Variants in NCCRP1 observed in about 807,000 individuals in gnomAD.
NCCRP1 encodes NCCRP1, F-box associated domain containing, also known as F-box only protein 50.
In NCCRP1, 32 loss-of-function variants were observed where a neutral mutation model predicts 34.4. The ratio of observed to expected loss-of-function variants is 0.93; its 90% confidence interval spans 0.70 to 1.25. NCCRP1 has a LOEUF of 1.25. NCCRP1 is among the 50% of genes most tolerant of loss of function. The pLI, the probability that NCCRP1 is intolerant of heterozygous loss-of-function variation, is 0.00. For missense variants in NCCRP1, 372 were observed against 391.8 expected, an observed-to-expected ratio of 0.95 and a Z score of 0.43; for synonymous variants, 172 against 180.1, an observed-to-expected ratio of 0.95 and a Z score of 0.36.
chr19:39,198,521 G>A (rs563935460), intron 3 of NCCRP1, among the ~76,000 whole-genome samples: 96 of 152,236 alleles, frequency 6.3e-4, no homozygotes, highest in African/African-American at 2.2e-3. Context: ...GTGCAGTGAC[G>A]CAATCTCAGC....
At position 39,200,672 on chromosome 19, in the gene NCCRP1, CA is replaced by C. The variant is rs1388032035; in HGVS notation, c.746del (p.Lys249ArgfsTer16). 8.7e-6 allele frequency: 14 copies of C among 1,614,152 alleles called. No individual in the cohort carries two copies. Among genetic ancestry groups the C allele is most frequent in the Non-Finnish European group, 8.5e-6 (10 of 1,180,034 alleles). ...PGVRFIHFLH[K>X]AKNRMEPGGL... ...GTGTGCGCTTTATCCACTTCCTGCA[CA>C]AGGCCAAGAACCGCATGGAGCCTGG... On this transcript the variant is annotated frameshift_variant, in exon 6 of 6. Transcript: ENST00000339852. LOFTEE classifies it high-confidence loss of function. The surrounding 1 kb of genome is among the most constrained non-coding windows in gnomAD (Gnocchi z 5.8).
rs763818297 is a variant in NCCRP1 at position 39,198,075 on chromosome 19, A to C, written c.360A>C (p.Ala120=). Residue 120 remains alanine, a synonymous_variant, in exon 2 of 6, where the codon GCA becomes GCC. Transcript: ENST00000339852. ...NPEGINIYEP[A]PPTGPTQRPL... ...CAGGCATCAACATTTATGAGCCAGC[A>C]CCCCCTACTGGTCCCACCCAGCGAC... 6.2e-7 allele frequency: 1 copy of C among 1,613,732 alleles called. No homozygotes were observed.
In NCCRP1 at chr19:39,198,270, A is replaced by T; in HGVS notation, c.452+17A>T. ...GAACCAAAGGTGAGTCGCCAGGGCC[A>T]GTGTGGCTTACACTCCATTCCCTGC... On this transcript the variant is annotated intron_variant, in intron 3 of 5. Coordinates refer to ENST00000339852, the MANE Select transcript of NCCRP1 (RefSeq NM_001001414.2). 1 of 1,613,870 alleles carries T rather than the reference A, an allele frequency of 6.2e-7. No individual in the cohort carries two copies. Among genetic ancestry groups the T allele is most frequent in the Non-Finnish European group, 8.5e-7 (1 of 1,179,758 alleles).
chr19:39,198,030 C>T (rs772428864), intron 1 of NCCRP1, 23 bp from the exon 2 acceptor site: 5 of 1,612,128 alleles, frequency 3.1e-6, no homozygotes, highest in Non-Finnish European at 1.7e-6. Flanking sequence ...TGCCCAGAGG[C>T]TCCACTCACC....
At position 39,197,266 on chromosome 19, in the gene NCCRP1, T is replaced by TC. The variant is rs764867777; in HGVS notation, c.286dup (p.Leu96ProfsTer23). ...CCCCAGCGCCTCACCTGGAAGCTGC[T>TC]CCTGTTGCGGCGGCCGCTCTACCGC... is the stretch of plus-strand genomic sequence containing the variant. On this transcript the variant is annotated frameshift_variant, in exon 1 of 6. Coordinates refer to ENST00000339852, the MANE Select transcript of NCCRP1 (RefSeq NM_001001414.2). LOFTEE classifies it high-confidence loss of function. The TC allele has an allele frequency of 1.3e-6, 2 of 1,498,314 alleles. No individual in the cohort carries two copies. Among genetic ancestry groups the TC allele is most frequent in the Middle Eastern group, 1.9e-4 (1 of 5,380 alleles). The allele number at this position is 1,498,314 out of a possible 1,614,324, so 92.8% of individuals were successfully genotyped here.
intron 4 of NCCRP1, among the ~76,000 whole-genome samples, chr19:39,199,505 CTTTCTTTTT>C (rs1568542350): frequency 1.4e-5 from 1 of 74,040 alleles, no homozygotes; most frequent in African/African-American, 4.5e-5. Context: ...TTTCTTTTTT[CTTTCTTTTT>C]TTTTTTTTTT....
chr19:39,201,434 T>G lies in NCCRP1; in HGVS notation c.*678T>G, dbSNP rs1479883198. 3 of 151,752 alleles carry G rather than the reference T, an allele frequency of 2.0e-5. No individual in the cohort carries two copies. 9.4% of individuals were successfully genotyped at this position (151,752 alleles called of 1,614,324 possible). On this transcript the variant is annotated 3_prime_UTR_variant, in exon 6 of 6. Coordinates refer to ENST00000339852, the MANE Select transcript of NCCRP1 (RefSeq NM_001001414.2). The stretch of plus-strand genomic sequence containing the variant: ...CAAGTGGTTCTCCTGCCTCAGCCTC[T>G]CAAGTAGCTGGGATTACAGGTGCAC...
rs1305534367 is a variant in NCCRP1, at chr19:39,200,190, G to A, written c.549-156G>A. On this transcript the variant is annotated intron_variant, in intron 4 of 5. Transcript: ENST00000339852. This position sits in a 1 kb window ranked among gnomAD's most constrained non-coding sequence, Gnocchi z 5.8. ...TGAATCCCATGTGGCAGGGTGTGGG[G>A]CTGTCTTGGTCACTGCTATGTTGCC... is the stretch of plus-strand genomic sequence containing the variant. Among the ~76,000 whole-genome samples, 2 of 152,192 alleles carry A rather than the reference G, an allele frequency of 1.3e-5. No individual in the cohort carries two copies. Among genetic ancestry groups the A allele is most frequent in the Non-Finnish European group, 2.9e-5 (2 of 68,042 alleles).
At position 39,199,167 on chromosome 19, in the gene NCCRP1, C is replaced by A. The variant is rs769060313; in HGVS notation, c.453-3C>A. ...CCCGCCTCTCCCGGCCCTTCTTTCA[C>A]AGCTGGACAGTGAAGCAGCAGTGTG... is the stretch of plus-strand genomic sequence containing the variant. On this transcript the variant is annotated splice_polypyrimidine_tract_variant and splice_region_variant and intron_variant, in intron 3 of 5. Transcript: ENST00000339852. 7.4e-6 allele frequency: 12 copies of A among 1,614,022 alleles called. No individual in the cohort carries two copies. The Admixed American group carries it at 2.0e-4, about 27-fold the overall frequency.
rs1282346166 is a variant in NCCRP1, at chr19:39,200,952, T to G, written c.*196T>G. 3 of 627,528 alleles carry G rather than the reference T, an allele frequency of 4.8e-6. No individual in the cohort carries two copies. Among genetic ancestry groups the G allele is most frequent in the African/African-American group, 1.8e-5 (1 of 54,302 alleles). The allele number at this position is 627,528 out of a possible 1,614,324, so 38.9% of individuals were successfully genotyped here. On this transcript the variant is annotated 3_prime_UTR_variant, in exon 6 of 6. Coordinates refer to ENST00000339852, the MANE Select transcript of NCCRP1 (RefSeq NM_001001414.2). This position sits in a 1 kb window ranked among gnomAD's most constrained non-coding sequence, Gnocchi z 5.8. Reference sequence around the variant, plus strand: ...AGCCCCATGAGGGCGGAGCCACTCCTTGTAAATTCAGTGCCCGACAGATGC... The same window carrying G: ...AGCCCCATGAGGGCGGAGCCACTCCGTGTAAATTCAGTGCCCGACAGATGC...
chr19:39,200,001 A>G lies in NCCRP1; in HGVS notation c.549-345A>G, dbSNP rs1043346231. Among the ~76,000 whole-genome samples, 2 of 150,942 alleles carry G rather than the reference A, an allele frequency of 1.3e-5. No homozygotes were observed. Among genetic ancestry groups the G allele is most frequent in the African/African-American group, 2.4e-5 (1 of 40,938 alleles). On this transcript the variant is annotated intron_variant, in intron 4 of 5. Transcript: ENST00000339852. The surrounding 1 kb of genome is among the most constrained non-coding windows in gnomAD (Gnocchi z 5.8). Reference sequence around the variant, plus strand: ...CCCAACCCCTCTGCCTGGGTCCCCAATTCCGACCCCAACCCCTCTGCCTGT... The same window carrying G: ...CCCAACCCCTCTGCCTGGGTCCCCAGTTCCGACCCCAACCCCTCTGCCTGT...
rs1276262694 is a variant in NCCRP1 at position 39,198,215 on chromosome 19, CTGGTA to C, written c.415_419del (p.Trp139HisfsTer2). On this transcript the variant is annotated frameshift_variant, in exon 3 of 6. Coordinates refer to ENST00000339852, the MANE Select transcript of NCCRP1 (RefSeq NM_001001414.2). LOFTEE classifies it high-confidence loss of function. ...CCCAACCTGCAGGCAATTTCCGTGG[CTGGTA>C]CATTAGAACTGAAAAGCTCCAGCAG... is the stretch of plus-strand genomic sequence containing the variant. The C allele has an allele frequency of 6.2e-7, 1 of 1,614,056 alleles. No individual in the cohort carries two copies. Among genetic ancestry groups the C allele is most frequent in the African/African-American group, 1.3e-5 (1 of 74,936 alleles).
rs1442007910 is a variant in NCCRP1, at chr19:39,197,330, G to T, written c.337+11G>T. The T allele has an allele frequency of 7.0e-7, 1 of 1,429,866 alleles. No individual in the cohort carries two copies. The highest frequency in any genetic ancestry group is 9.1e-7 in the Non-Finnish European group (1 of 1,103,522). 88.6% of individuals were successfully genotyped at this position (1,429,866 alleles called of 1,614,324 possible). A position where few individuals can be genotyped will look rare whatever the true frequency, so the allele number is the denominator to read the frequency against. On this transcript the variant is annotated intron_variant, in intron 1 of 5. Coordinates refer to ENST00000339852, the MANE Select transcript of NCCRP1 (RefSeq NM_001001414.2). ...CGCCCAACCCCGAAGGTGCGCAAGG[G>T]CCCAGAGCAGCCAGGAGGCACCACC...
chr19:39,198,479 A>G (rs12974792), intron 3 of NCCRP1, among the ~76,000 whole-genome samples: 55,267 of 151,988 alleles, frequency 0.36, 10,227 homozygotes, highest in East Asian at 0.45. Context: ...TTTGTTTTTA[A>G]GATGAAGTCT....
rs369489236 is a variant in NCCRP1 at position 39,200,370 on chromosome 19, G to A, written c.573G>A (p.Ala191=). The change falls in exon 5 of 6, where the codon GCG becomes GCA. Residue 191 remains alanine, a synonymous_variant. Coordinates refer to ENST00000339852, the MANE Select transcript of NCCRP1 (RefSeq NM_001001414.2). This position sits in a 1 kb window ranked among gnomAD's most constrained non-coding sequence, Gnocchi z 5.8. ...MDWFEDSRLD[A]CVYELHVWLL... Reference sequence around the variant, plus strand: ...GGTTCGAGGACAGCCGGCTGGATGCGTGCGTCTATGAGCTGCATGTCTGGC... The same window carrying A: ...GGTTCGAGGACAGCCGGCTGGATGCATGCGTCTATGAGCTGCATGTCTGGC... The A allele has an allele frequency of 5.5e-5, 88 of 1,613,634 alleles. No homozygotes were observed. Among genetic ancestry groups the A allele is most frequent in the Non-Finnish European group, 6.7e-5 (79 of 1,180,008 alleles).
intron 4 of NCCRP1, among the ~76,000 whole-genome samples, chr19:39,199,487 CTTTT>C (rs916155239): frequency 7.5e-4 from 46 of 60,928 alleles, no homozygotes; most frequent in East Asian, 3.1e-3. Context: ...TTTTTCTTTT[CTTTT>C]TTTTTTCTTT....
chr19:39,200,015 C>G lies in NCCRP1; in HGVS notation c.549-331C>G, dbSNP rs1192189205. On this transcript the variant is annotated intron_variant, in intron 4 of 5. Coordinates refer to ENST00000339852, the MANE Select transcript of NCCRP1 (RefSeq NM_001001414.2). This position sits in a 1 kb window ranked among gnomAD's most constrained non-coding sequence, Gnocchi z 5.8. ...CTGGGTCCCCAATTCCGACCCCAACCCCTCTGCCTGTGTCCCCAGTTCTGT... is the reference window on the plus strand; with the variant it reads ...CTGGGTCCCCAATTCCGACCCCAACGCCTCTGCCTGTGTCCCCAGTTCTGT... Among the ~76,000 whole-genome samples, 1 of 152,046 alleles carries G rather than the reference C, an allele frequency of 6.6e-6. No homozygotes were observed. Among genetic ancestry groups the G allele is most frequent in the Non-Finnish European group, 1.5e-5 (1 of 68,010 alleles).
Position 39,197,242 on chromosome 19 carries a change from C to T in NCCRP1, c.260C>T (p.Pro87Leu). 4 of 1,482,814 alleles carry T rather than the reference C, an allele frequency of 2.7e-6. No homozygotes were observed. The highest frequency in any genetic ancestry group is 2.7e-6 in the Non-Finnish European group (3 of 1,126,852). The allele number at this position is 1,482,814 out of a possible 1,614,324, so 91.9% of individuals were successfully genotyped here. A position where few individuals can be genotyped will look rare whatever the true frequency, so the allele number is the denominator to read the frequency against. Residue 87 changes from proline (P) to leucine (L), a missense_variant, in exon 1 of 6, where the codon CCC becomes CTC. Coordinates refer to ENST00000339852, the MANE Select transcript of NCCRP1 (RefSeq NM_001001414.2). ...WGPLSGGLEL[P>L]QRLTWKLLLL... is the part of the protein sequence containing the mutation. ...CCGCTGAGCGGGGGCCTGGAGCTGC[C>T]CCAGCGCCTCACCTGGAAGCTGCTC...
chr19:39,200,886 C>A lies in NCCRP1; in HGVS notation c.*130C>A. The A allele has an allele frequency of 8.5e-7, 1 of 1,172,906 alleles. No individual in the cohort carries two copies. The allele number at this position is 1,172,906 out of a possible 1,614,324, so 72.7% of individuals were successfully genotyped here. A position where few individuals can be genotyped will look rare whatever the true frequency, so the allele number is the denominator to read the frequency against. On this transcript the variant is annotated 3_prime_UTR_variant, in exon 6 of 6. Transcript: ENST00000339852. This position sits in a 1 kb window ranked among gnomAD's most constrained non-coding sequence, Gnocchi z 5.8. ...CTCACTTGATGGACAGCTTCACACA[C>A]CCTTAAGCGGTGGACTCCAGCATTT... is the stretch of plus-strand genomic sequence containing the variant.
Sources: gnomAD v4.1 joint callset for allele counts (sites outside exome capture counted in the v4.1 genomes callset) on GRCh38, gnomAD v4.1.1 for gene constraint, Gnocchi (gnomAD v3.1) non-coding constraint, MANE v1.5 for transcripts, NCBI Gene and HGNC (gene_info 2026-07-23, HGNC 2026-07-21) for gene names.